The following RIN2 variants were observed in gnomAD, a reference collection of about 807,000 sequenced individuals.
The protein encoded by RIN2 is Ras and Rab interactor 2.
A neutral mutation model predicts 78.0 loss-of-function variants in RIN2; 36 were observed. That is an observed-to-expected ratio of 0.46 (90% CI 0.35 to 0.61). RIN2 has a LOEUF of 0.61. Ranked by LOEUF, RIN2 falls within the 20% of genes least tolerant of loss-of-function variation. The pLI is 0.00. For missense variants in RIN2, 1,087 were observed against 1,159.7 expected (o/e 0.94, Z 0.91); for synonymous variants, 466 against 466.8 (o/e 1.00, Z 0.02).
At chr20:19,856,077 CAA>C (rs893945830) in intron 2 of RIN2, among the ~76,000 whole-genome samples, 1 of 149,578 alleles carries the variant, frequency 6.7e-6, no homozygotes, top group Non-Finnish European at 1.5e-5. Context: ...CCTTCTAGAA[CAA>C]AAAAAAAGAA....
chr20:19,774,412 G>T (rs2034239706), intron 1 of RIN2, among the ~76,000 whole-genome samples: 1 of 152,152 alleles, frequency 6.6e-6, no homozygotes, highest in Non-Finnish European at 1.5e-5. Flanking sequence ...TATAATAAAA[G>T]CAATATTTTT....
At chr20:19,955,063 A>T (rs1217475408) in intron 4 of RIN2, among the ~76,000 whole-genome samples, 1 of 152,122 alleles carries the variant, frequency 6.6e-6, no homozygotes, top group African/African-American at 2.4e-5. Context: ...GAACATTTCC[A>T]TCACCCTGGA....
chr20:19,786,751 G>A (rs368704465), intron 1 of RIN2, among the ~76,000 whole-genome samples: 5 of 152,314 alleles, frequency 3.3e-5, no homozygotes, highest in South Asian at 2.1e-4. Flanking sequence ...TACCTTTTGC[G>A]GTAGTGCTGT....
chr20:19,858,464 T>C (rs996176839), intron 2 of RIN2, among the ~76,000 whole-genome samples: 12 of 152,236 alleles, frequency 7.9e-5, no homozygotes, highest in African/African-American at 2.4e-4. Flanking sequence ...AATATCTGCA[T>C]TGCGTCTCTT....
intron 3 of RIN2, among the ~76,000 whole-genome samples, chr20:19,912,493 T>TTTTTTTC (rs2039516969): frequency 6.7e-6 from 1 of 148,494 alleles, no homozygotes; most frequent in Non-Finnish European, 1.5e-5. Context: ...TTTTTTTTTT[T>TTTTTTTC]TTGAGATGAA....
intron 6 of RIN2, among the ~76,000 whole-genome samples, chr20:19,963,134 C>T (rs541932619): frequency 6.6e-6 from 1 of 152,258 alleles, no homozygotes; most frequent in East Asian, 1.9e-4. Context: ...GGTCCATTTT[C>T]CAGATGAGAA....
At chr20:19,944,002 T>TA (rs1555796843) in intron 4 of RIN2, among the ~76,000 whole-genome samples, 18 of 134,302 alleles carry the variant, frequency 1.3e-4, no homozygotes, top group South Asian at 1.0e-3. Context: ...TTTTTTTTTT[T>TA]ACCTATAACT....
intron 3 of RIN2, among the ~76,000 whole-genome samples, chr20:19,916,154 C>T (rs1286697633): frequency 6.6e-6 from 1 of 152,184 alleles, no homozygotes; most frequent in Non-Finnish European, 1.5e-5. Context: ...GCAGGAGAAT[C>T]GCTTGAACCT....
intron 2 of RIN2, among the ~76,000 whole-genome samples, chr20:19,838,267 A>G (rs953346225): frequency 6.6e-6 from 1 of 152,058 alleles, no homozygotes; most frequent in Admixed American, 6.6e-5. Context: ...GTCTTGAGGA[A>G]GAGAGATATG....
At chr20:19,834,816 A>T (rs2036357942) in intron 2 of RIN2, among the ~76,000 whole-genome samples, 1 of 152,108 alleles carries the variant, frequency 6.6e-6, no homozygotes, top group South Asian at 2.1e-4. Flanking sequence ...GGCCAGGCAC[A>T]GTGGCTCACA....
At chr20:19,919,490 A>G (rs2039821833) in intron 3 of RIN2, among the ~76,000 whole-genome samples, 1 of 152,134 alleles carries the variant, frequency 6.6e-6, no homozygotes, top group East Asian at 1.9e-4. Context: ...ATAAAATAAG[A>G]GTGTGTGTTA....
At chr20:19,895,767 C>T (rs1389648247) in intron 3 of RIN2, 2 of 152,184 alleles carry the variant, frequency 1.3e-5, no homozygotes, top group Non-Finnish European at 2.9e-5. Context: ...CAGAGAATAA[C>T]AGAAGAGCTC....
chr20:19,903,543 T>A (rs965690882), intron 3 of RIN2, among the ~76,000 whole-genome samples: 2 of 152,184 alleles, frequency 1.3e-5, no homozygotes, highest in African/African-American at 4.8e-5. Context: ...CCGGGACAGC[T>A]GGTTCCACCT....
rs773722938 is a variant in RIN2 at position 19,835,100 on chromosome 20, GA to G, written c.-37+35356del. On this transcript the variant is annotated intron_variant, in intron 2 of 12. Coordinates refer to ENST00000255006, the MANE Select transcript of RIN2 (RefSeq NM_018993.4). Reference sequence around the variant, plus strand: ...GAGAAAGAAAGAGAAAAAGAAAGAAGAAAGAAAGAAAGAGGGAGGAAGGAAG... The same window carrying G: ...GAGAAAGAAAGAGAAAAAGAAAGAAGAAGAAAGAAAGAGGGAGGAAGGAAG... 1.7e-3 allele frequency among the ~76,000 whole-genome samples: 34 copies of G among 20,136 alleles called. No homozygotes were observed. The East Asian group carries it at 0.019, about 11-fold the overall frequency. The allele number at this position is 20,136 out of a possible 152,430, so 13.2% of individuals were successfully genotyped here. A position where few individuals can be genotyped will look rare whatever the true frequency, so the allele number is the denominator to read the frequency against.
chr20:19,886,021 G>A (rs2038174690), intron 2 of RIN2, among the ~76,000 whole-genome samples: 1 of 152,208 alleles, frequency 6.6e-6, no homozygotes, highest in Admixed American at 6.5e-5. Context: ...ATAGGCGACG[G>A]GGGAGGGCAG....
At chr20:19,987,617 T>TA in intron 9 of RIN2, among the ~76,000 whole-genome samples, 1 of 152,320 alleles carries the variant, frequency 6.6e-6, no homozygotes, top group South Asian at 2.1e-4. Flanking sequence ...GTAAAGCACT[T>TA]AGATGGAGGC....
chr20:19,768,492 A>G (rs755277488), intron 1 of RIN2, among the ~76,000 whole-genome samples: 1 of 152,226 alleles, frequency 6.6e-6, no homozygotes, highest in Non-Finnish European at 1.5e-5. Flanking sequence ...AGTCCCATAG[A>G]GAGCATCCTC....
At chr20:19,916,192 A>G (rs1568605648) in intron 3 of RIN2, among the ~76,000 whole-genome samples, 1 of 152,218 alleles carries the variant, frequency 6.6e-6, no homozygotes, top group South Asian at 2.1e-4. Flanking sequence ...GTGAGCTGAG[A>G]TAGTGCCATT....
intron 3 of RIN2, among the ~76,000 whole-genome samples, chr20:19,929,439 G>T (rs1568621945): frequency 6.6e-6 from 1 of 152,154 alleles, no homozygotes; most frequent in African/African-American, 2.4e-5. Flanking sequence ...TGGGCTCACT[G>T]CAACCTCTGC....
Sources: allele counts gnomAD v4.1 joint callset (sites outside exome capture counted in the v4.1 genomes callset), GRCh38; gene constraint gnomAD v4.1.1; transcripts MANE v1.5; gene names NCBI Gene and HGNC (gene_info 2026-07-23, HGNC 2026-07-21).